Variants in USP10 observed in about 807,000 individuals in gnomAD.
USP10 encodes ubiquitin specific peptidase 10, also known as ubiquitin carboxyl-terminal hydrolase 10.
Under a neutral mutation model 84.5 loss-of-function variants are expected in USP10, and 22 were observed. The ratio of observed to expected loss-of-function variants is 0.26; its 90% CI spans 0.19 to 0.37. The LOEUF (loss-of-function observed/expected upper bound fraction) is 0.37. USP10 is among the 10% of genes least tolerant of loss of function. USP10 has a pLI of 1.00. For synonymous variants in USP10, 454 were observed against 387.6 expected (o/e 1.17, Z -2.01); for missense variants, 1,019 against 998.9 (o/e 1.02, Z -0.27).
Position 84,776,934 on chromosome 16 carries a change from C to T in USP10, c.2209+1709C>T, listed in dbSNP as rs112623873. ...TTCAAGTGATTCTTGTGCCTCAGCCCCCCGAGTAGCTGGGATTACAGCTGT... is the reference window on the plus strand; with the variant it reads ...TTCAAGTGATTCTTGTGCCTCAGCCTCCCGAGTAGCTGGGATTACAGCTGT... On this transcript the variant is annotated intron_variant, in intron 13 of 13. Coordinates refer to ENST00000219473, the MANE Select transcript of USP10 (RefSeq NM_005153.3). Among the ~76,000 whole-genome samples, 875 of 152,274 alleles carry T rather than the reference C, an allele frequency of 5.7e-3. 9 individuals carry two copies. Among genetic ancestry groups the T allele is most frequent in the African/African-American group, 0.02 (830 of 41,556 alleles).
chr16:84,755,836 T>C (rs1912471938), intron 4 of USP10, among the ~76,000 whole-genome samples: 1 of 151,942 alleles, frequency 6.6e-6, no homozygotes, highest in Non-Finnish European at 1.5e-5. Context: ...GGTCTTTTAA[T>C]ATACATATAC....
intron 1 of USP10, among the ~76,000 whole-genome samples, chr16:84,705,291 G>A (rs946256299): frequency 6.6e-6 from 1 of 151,590 alleles, no homozygotes; most frequent in African/African-American, 2.4e-5. Flanking sequence ...GAGTGCATTG[G>A]CGGTATCTTG....
intron 13 of USP10, among the ~76,000 whole-genome samples, chr16:84,776,386 C>T (rs1313974619): frequency 6.6e-6 from 1 of 152,166 alleles, no homozygotes; most frequent in Non-Finnish European, 1.5e-5. Context: ...CCCTCTCTTC[C>T]TCTCACTATT....
intron 4 of USP10, among the ~76,000 whole-genome samples, chr16:84,753,181 G>C (rs1009478423): frequency 6.6e-6 from 1 of 152,042 alleles, no homozygotes; most frequent in Non-Finnish European, 1.5e-5. Context: ...GAGTCTCACT[G>C]TGTGGCCCAG....
chr16:84,716,698 G>C (rs1389660905), intron 1 of USP10, among the ~76,000 whole-genome samples: 1 of 152,162 alleles, frequency 6.6e-6, no homozygotes, highest in Non-Finnish European at 1.5e-5. Flanking sequence ...AATAAATGCA[G>C]AGTTACTGGG....
intron 4 of USP10, among the ~76,000 whole-genome samples, chr16:84,749,518 T>A (rs1026563395): frequency 6.6e-6 from 1 of 151,718 alleles, no homozygotes; most frequent in East Asian, 1.9e-4. Flanking sequence ...TGAGGCTCGA[T>A]AACTTGAGCC....
chr16:84,731,498 C>G (rs1909228121), intron 1 of USP10, among the ~76,000 whole-genome samples: 1 of 152,000 alleles, frequency 6.6e-6, no homozygotes, highest in Non-Finnish European at 1.5e-5. Context: ...TTCTGGAATT[C>G]TTAAGCAGTT....
chr16:84,760,289 C>G lies in USP10; in HGVS notation c.1554+14C>G, dbSNP rs1197037713. ...CTGTCTGAAAAGGTTTGAGACTTCT[C>G]TGTTGTCACTAGTATCAAGTGTTGC... On this transcript the variant is annotated intron_variant, in intron 8 of 13. Coordinates refer to ENST00000219473, the MANE Select transcript of USP10 (RefSeq NM_005153.3). The G allele has an allele frequency of 6.3e-7, 1 of 1,581,316 alleles. No homozygotes were observed. Among genetic ancestry groups the G allele is most frequent in the Non-Finnish European group, 8.6e-7 (1 of 1,160,306 alleles).
rs546009430 is a variant in USP10 at position 84,763,033 on chromosome 16, T to C, written c.1599T>C (p.Asn533=). The C allele has an allele frequency of 3.5e-5, 56 of 1,612,940 alleles. No individual in the cohort carries two copies. The highest frequency in any genetic ancestry group is 5.0e-5 in the Admixed American group (3 of 59,950). ...AGGAATACTTAGGCTTCATTCTAAA[T>C]GGACTTCATGAGGAAATGTTGAACC... The part of the protein sequence containing the change: ...DAEEYLGFIL[N]GLHEEMLNLK... The change falls in exon 9 of 14, where the codon AAT becomes AAC. Residue 533 remains asparagine, a synonymous_variant. Transcript: ENST00000219473.
rs552516651 is a variant in USP10, at chr16:84,762,040, A to G, written c.1555-949A>G. Among the ~76,000 whole-genome samples the G allele has an allele frequency of 2.6e-5, 4 of 152,398 alleles. No homozygotes were observed. In the South Asian group the frequency reaches 8.3e-4, roughly 32 times the overall value. ...ACAGAACAATTTGCAGGGCCTTGGAATAGGCAGTTGTGCTGTGAAGAATGA... is the reference window on the plus strand; with the variant it reads ...ACAGAACAATTTGCAGGGCCTTGGAGTAGGCAGTTGTGCTGTGAAGAATGA... On this transcript the variant is annotated intron_variant, in intron 8 of 13. Transcript: ENST00000219473.
chr16:84,769,493 A>G (rs1914202384), intron 11 of USP10, among the ~76,000 whole-genome samples: 1 of 152,220 alleles, frequency 6.6e-6, no homozygotes, highest in Non-Finnish European at 1.5e-5. Context: ...GAATGAGCTA[A>G]GAAGAGTCTG....
chr16:84,719,484 G>A (rs140506350), intron 1 of USP10, among the ~76,000 whole-genome samples: 10 of 152,348 alleles, frequency 6.6e-5, no homozygotes, highest in Non-Finnish European at 5.9e-5. Context: ...AGCCAGAATT[G>A]TTGCAGGTGT....
intron 3 of USP10, among the ~76,000 whole-genome samples, chr16:84,743,711 G>A (rs763459041): frequency 2.0e-5 from 3 of 152,132 alleles, no homozygotes; most frequent in Non-Finnish European, 4.4e-5. Context: ...AGACACAATT[G>A]ATTCTAAAAC....
At chr16:84,707,165 C>A (rs1013650018) in intron 1 of USP10, among the ~76,000 whole-genome samples, 1 of 152,188 alleles carries the variant, frequency 6.6e-6, no homozygotes, top group African/African-American at 2.4e-5. Context: ...GCTTTTTCTA[C>A]TTTGCCAGAC....
chr16:84,725,825 T>C (rs918089662), intron 1 of USP10, among the ~76,000 whole-genome samples: 1 of 152,252 alleles, frequency 6.6e-6, no homozygotes, highest in Non-Finnish European at 1.5e-5. Flanking sequence ...GTAGATGAGA[T>C]TAAGGCTTTA....
chr16:84,720,948 C>T (rs1013831729), intron 1 of USP10, among the ~76,000 whole-genome samples: 1 of 146,922 alleles, frequency 6.8e-6, no homozygotes, highest in African/African-American at 2.6e-5. Flanking sequence ...GGCTGGAGTG[C>T]AGTGGCGCGA....
chr16:84,720,890 A>G (rs1051562239), intron 1 of USP10, among the ~76,000 whole-genome samples: 1 of 132,168 alleles, frequency 7.6e-6, no homozygotes, highest in East Asian at 2.3e-4. Context: ...CCAATGATGC[A>G]CAATTTTTTT....
chr16:84,719,677 A>C (rs1359210318), intron 1 of USP10, among the ~76,000 whole-genome samples: 1 of 152,256 alleles, frequency 6.6e-6, no homozygotes, highest in Non-Finnish European at 1.5e-5. Context: ...CTTCTAGTGT[A>C]TGTAGGTCCC....
At position 84,759,446 on chromosome 16, in the gene USP10, T is replaced by C; in HGVS notation, c.1368T>C (p.Cys456=). The change falls in exon 6 of 14, where the codon TGT becomes TGC. Residue 456 remains cysteine (C), a synonymous_variant. Transcript: ENST00000219473. ...IPLYSKVQRP[C]TSTPMIDSFV... ...TGTATTCCAAAGTGCAAAGGCCTTG[T>C]ACGTCAACACCCATGATAGACAGCT... 1 of 1,614,040 alleles carries C rather than the reference T, an allele frequency of 6.2e-7. No homozygotes were observed. The highest frequency in any genetic ancestry group is 1.1e-5 in the South Asian group (1 of 91,086).
Sources: allele counts gnomAD v4.1 joint callset (sites outside exome capture counted in the v4.1 genomes callset), GRCh38; gene constraint gnomAD v4.1.1; transcripts MANE v1.5; gene names NCBI Gene and HGNC (gene_info 2026-07-23, HGNC 2026-07-21).